The following SLC44A5 variants were observed in gnomAD, a reference collection of about 807,000 sequenced individuals.
The protein encoded by SLC44A5 is choline transporter-like protein 5.
In SLC44A5, 57 loss-of-function variants were observed where a neutral mutation model predicts 101.8. That is an observed-to-expected ratio of 0.56 (90% confidence interval 0.45 to 0.70). The LOEUF is 0.70. SLC44A5 is among the 30% of genes least tolerant of loss of function. SLC44A5 has a pLI of 0.00. For synonymous variants in SLC44A5, 281 were observed against 290.9 expected (o/e 0.97, Z 0.35); for missense variants, 737 against 853.1 (o/e 0.86, Z 1.70).
intron 1 of SLC44A5, among the ~76,000 whole-genome samples, chr1:75,587,031 A>C (rs1253888717): frequency 6.6e-6 from 1 of 152,174 alleles, no homozygotes; most frequent in Non-Finnish European, 1.5e-5. Flanking sequence ...GGTGCCCCCT[A>C]GAAGACATTT....
At chr1:75,260,109 A>C (rs1294824104) in intron 6 of SLC44A5, among the ~76,000 whole-genome samples, 1 of 152,304 alleles carries the variant, frequency 6.6e-6, no homozygotes, top group Non-Finnish European at 1.5e-5. Flanking sequence ...GCTAGGAAGA[A>C]ACTGCATCAA....
intron 4 of SLC44A5, among the ~76,000 whole-genome samples, chr1:75,327,486 T>G (rs561674631): frequency 6.6e-6 from 1 of 152,188 alleles, no homozygotes; most frequent in Non-Finnish European, 1.5e-5. Context: ...AGGCTAGCAG[T>G]GAAAAGCTAT....
At chr1:75,526,938 AG>A (rs1251326283) in intron 2 of SLC44A5, among the ~76,000 whole-genome samples, 1 of 152,114 alleles carries the variant, frequency 6.6e-6, no homozygotes, top group Non-Finnish European at 1.5e-5. Context: ...GTTCGAGACC[AG>A]CCTGGGCAAC....
intron 1 of SLC44A5, among the ~76,000 whole-genome samples, chr1:75,568,399 A>G (rs948673094): frequency 6.6e-6 from 1 of 152,222 alleles, no homozygotes; most frequent in African/African-American, 2.4e-5. Context: ...ATGGTTAGAA[A>G]TAGTGAGAGG....
chr1:75,533,734 CAT>C (rs1324110301), intron 2 of SLC44A5, among the ~76,000 whole-genome samples: 4 of 152,190 alleles, frequency 2.6e-5, no homozygotes, highest in African/African-American at 9.6e-5. Flanking sequence ...TGAATACACA[CAT>C]AGTTTACTAT....
intron 2 of SLC44A5, among the ~76,000 whole-genome samples, chr1:75,419,550 T>C (rs1479350157): frequency 6.6e-6 from 1 of 151,996 alleles, no homozygotes; most frequent in East Asian, 1.9e-4. Flanking sequence ...AATAAAGACT[T>C]ATTTCAGAAC....
At chr1:75,386,083 C>G (rs1661319875) in intron 3 of SLC44A5, among the ~76,000 whole-genome samples, 2 of 151,924 alleles carry the variant, frequency 1.3e-5, no homozygotes, top group African/African-American at 4.8e-5. Flanking sequence ...CTATCTATGA[C>G]AAACCCACAG....
At chr1:75,438,543 G>C (rs2101618731) in intron 2 of SLC44A5, among the ~76,000 whole-genome samples, 1 of 152,120 alleles carries the variant, frequency 6.6e-6, no homozygotes, top group South Asian at 2.1e-4. Flanking sequence ...AAGAGGAAGT[G>C]GGGTATGTGC....
At chr1:75,250,250 G>A (rs1343139783) in intron 7 of SLC44A5, among the ~76,000 whole-genome samples, 1 of 152,064 alleles carries the variant, frequency 6.6e-6, no homozygotes, top group African/African-American at 2.4e-5. Flanking sequence ...AGAACACGTG[G>A]CATTTGGTTT....
At chr1:75,535,310 G>A (rs1326046444) in intron 2 of SLC44A5, among the ~76,000 whole-genome samples, 5 of 152,142 alleles carry the variant, frequency 3.3e-5, no homozygotes, top group Non-Finnish European at 7.3e-5. Flanking sequence ...AAAGCAGCAA[G>A]TACACAGAAT....
chr1:75,599,404 T>A (rs182399887), intron 1 of SLC44A5, among the ~76,000 whole-genome samples: 4 of 152,286 alleles, frequency 2.6e-5, no homozygotes, highest in African/African-American at 9.6e-5. Flanking sequence ...AGAGCGACAC[T>A]CTAACCTGGG....
chr1:75,270,513 C>A (rs1651379594), intron 6 of SLC44A5, among the ~76,000 whole-genome samples: 1 of 151,892 alleles, frequency 6.6e-6, no homozygotes, highest in East Asian at 1.9e-4. Flanking sequence ...AGTCTATATA[C>A]AAAAATAAAT....
At chr1:75,607,008 A>G (rs1277761665) in intron 1 of SLC44A5, among the ~76,000 whole-genome samples, 1 of 151,930 alleles carries the variant, frequency 6.6e-6, no homozygotes, top group East Asian at 1.9e-4. Context: ...CTTAAATACC[A>G]CCAATGTTCT....
chr1:75,369,439 G>A (rs917619065), intron 3 of SLC44A5, among the ~76,000 whole-genome samples: 2 of 152,026 alleles, frequency 1.3e-5, no homozygotes, highest in Non-Finnish European at 2.9e-5. Context: ...GTACTTTTAC[G>A]AGTTCCTGAG....
chr1:75,509,027 C>A (rs1669422712), intron 2 of SLC44A5, among the ~76,000 whole-genome samples: 1 of 152,142 alleles, frequency 6.6e-6, no homozygotes, highest in Non-Finnish European at 1.5e-5. Flanking sequence ...AGTGAAAGTA[C>A]ATGGAATTTG....
intron 5 of SLC44A5, among the ~76,000 whole-genome samples, chr1:75,292,383 A>G (rs1009777541): frequency 6.6e-6 from 1 of 152,172 alleles, no homozygotes; most frequent in Admixed American, 6.5e-5. Context: ...TCTACTAGTA[A>G]ATAACACTTT....
intron 2 of SLC44A5, among the ~76,000 whole-genome samples, chr1:75,517,883 G>A (rs932972970): frequency 1.3e-5 from 2 of 152,034 alleles, no homozygotes; most frequent in Non-Finnish European, 2.9e-5. Context: ...GGCCAGAGAG[G>A]GCCAAGAAAT....
At chr1:75,232,027 A>G (rs1175223673) in intron 12 of SLC44A5, among the ~76,000 whole-genome samples, 1 of 152,152 alleles carries the variant, frequency 6.6e-6, no homozygotes. Context: ...TAGAAAGTCA[A>G]TTGTCCAGGA....
chr1:75,707,750 G>T, the SLC44A5 span, among the ~76,000 whole-genome samples: 1 of 152,120 alleles, frequency 6.6e-6, no homozygotes, highest in Non-Finnish European at 1.5e-5. Context: ...CCAAATATAT[G>T]ACCTGGAGAA....
Sources: gnomAD v4.1 joint callset for allele counts (sites outside exome capture counted in the v4.1 genomes callset) on GRCh38, gnomAD v4.1.1 for gene constraint, MANE v1.5 for transcripts, NCBI Gene and HGNC (gene_info 2026-07-23, HGNC 2026-07-21) for gene names.